The following LPAR6 variants were observed in gnomAD, a reference collection of about 807,000 sequenced individuals.
LPAR6 encodes G-protein coupled purinergic receptor P2Y5.
In LPAR6, 17 loss-of-function variants were observed where a neutral mutation model predicts 22.0. The observed-to-expected ratio is 0.77, with a 90% CI of 0.53 to 1.16. The LOEUF is 1.16. Ranked by LOEUF, LPAR6 falls within the 50% of genes most tolerant of loss-of-function variation. The pLI is 0.00. For missense variants in LPAR6, 384 were observed against 406.9 expected (o/e 0.94, Z 0.48); for synonymous variants, 136 against 139.8 (o/e 0.97, Z 0.19).
At chr13:48,425,676 G>C (rs1311680216) in intron 1 of LPAR6, among the ~76,000 whole-genome samples, 1 of 151,104 alleles carries the variant, frequency 6.6e-6, no homozygotes, top group Non-Finnish European at 1.5e-5. Flanking sequence ...AATATAGAGA[G>C]TCCTCAACTC....
intron 1 of LPAR6, among the ~76,000 whole-genome samples, chr13:48,400,139 TTGTC>T (rs1292719922): frequency 6.6e-6 from 1 of 152,154 alleles, no homozygotes; most frequent in Non-Finnish European, 1.5e-5. Context: ...CTTTGGAAGT[TTGTC>T]TGATAATTAT....
intron 1 of LPAR6, among the ~76,000 whole-genome samples, chr13:48,442,767 T>C (rs1949250698): frequency 6.6e-6 from 1 of 152,210 alleles, no homozygotes; most frequent in Non-Finnish European, 1.5e-5. Flanking sequence ...GACCCAATTT[T>C]AGAAATCTTG....
At chr13:48,418,033 C>G (rs185828791), upstream of LPAR6, among the ~76,000 whole-genome samples, 11 of 152,236 alleles carry the variant, frequency 7.2e-5, no homozygotes, top group African/African-American at 2.6e-4. Context: ...ACAGAGAACA[C>G]CACAAAGATA....
chr13:48,420,536 G>T (rs1948989314), intron 2 of LPAR6, among the ~76,000 whole-genome samples: 1 of 152,130 alleles, frequency 6.6e-6, no homozygotes, highest in African/African-American at 2.4e-5. Context: ...GTTCTGTTCA[G>T]GGCAGTTAGA....
intron 1 of LPAR6, among the ~76,000 whole-genome samples, chr13:48,444,065 T>A (rs1949264051): frequency 6.6e-6 from 1 of 152,166 alleles, no homozygotes; most frequent in African/African-American, 2.4e-5. Flanking sequence ...ACTGTCTACT[T>A]GGAGATAGTG....
intron 1 of LPAR6, among the ~76,000 whole-genome samples, chr13:48,432,699 C>T (rs2138282013): frequency 6.6e-6 from 1 of 152,244 alleles, no homozygotes; most frequent in South Asian, 2.1e-4. Context: ...AACTGTCTTC[C>T]TTGACTTCTG....
At chr13:48,408,576 T>G (rs2138191742), downstream of LPAR6, 1 of 152,168 alleles carries the variant, frequency 6.6e-6, no homozygotes, top group Middle Eastern at 3.4e-3. Flanking sequence ...TAGGTTTTTC[T>G]GAATAAAGGG....
intron 1 of LPAR6, among the ~76,000 whole-genome samples, chr13:48,393,586 C>T (rs888854833): frequency 6.6e-5 from 10 of 152,164 alleles, no homozygotes; most frequent in South Asian, 2.1e-4. Flanking sequence ...GGTTACTAAA[C>T]GTAAGGCTTA....
chr13:48,421,025 G>GA, intron 2 of LPAR6, among the ~76,000 whole-genome samples: 1 of 151,932 alleles, frequency 6.6e-6, no homozygotes, highest in Non-Finnish European at 1.5e-5. Context: ...TATAAAATTA[G>GA]AAAAAACTAC....
At chr13:48,416,541 T>C, upstream of LPAR6, 1 of 152,778 alleles carries the variant, frequency 6.5e-6, no homozygotes, top group Non-Finnish European at 1.5e-5. Flanking sequence ...GCAGGATTTT[T>C]TCTTTTTCGT....
At chr13:48,408,233 T>C (rs1221395481), downstream of LPAR6, among the ~76,000 whole-genome samples, 1 of 151,972 alleles carries the variant, frequency 6.6e-6, no homozygotes, top group Non-Finnish European at 1.5e-5. Context: ...CCTTAAGTAG[T>C]GTCTTCAGTT....
At position 48,436,535 on chromosome 13, in the gene LPAR6, C is replaced by T. The variant is rs192753022; in HGVS notation, c.-1474+8018G>A. Among the ~76,000 whole-genome samples the T allele has an allele frequency of 5.6e-3, 848 of 151,902 alleles. 5 individuals carry two copies. Among genetic ancestry groups the T allele is most frequent in the Middle Eastern group, 0.01 (3 of 294 alleles). On this transcript the variant is annotated intron_variant, in intron 1 of 6. Coordinates refer to the LPAR6 transcript ENST00000378434. ...GCACATGCCTGTAATCCCAGCTACT[C>T]GGGAGGCTGAGGCAGGAGAATCGCT...
At chr13:48,421,752 C>T (rs902219036) in intron 2 of LPAR6, among the ~76,000 whole-genome samples, 2 of 152,108 alleles carry the variant, frequency 1.3e-5, no homozygotes, top group African/African-American at 2.4e-5. Context: ...ATGTGGCCAA[C>T]AAGCATATGA....
At chr13:48,416,560 G>A (rs1317101749), upstream of LPAR6, 1 of 152,588 alleles carries the variant, frequency 6.6e-6, no homozygotes, top group Non-Finnish European at 1.5e-5. Context: ...GTACTCCAGT[G>A]GCACCTGAAA....
In LPAR6 at chr13:48,412,404, G is replaced by A. The variant is rs965471957; in HGVS notation, c.20C>T (p.Ser7Phe). MVSVNS[S>F]HCFYNDSFKY... The stretch of plus-strand genomic sequence containing the variant: ...AAAGGAGTCATTATAGAAGCAGTGG[G>A]AGCTGTTAACGCTTACCATCGTAAA... The change falls in exon 1 of 1, where the codon TCC becomes TTC. Residue 7 changes from serine (S) to phenylalanine (F), a missense_variant. Ser to Phe is a radical substitution (Grantham distance 155). Transcript: ENST00000620633. 5 of 1,613,806 alleles carry A rather than the reference G, an allele frequency of 3.1e-6. No homozygotes were observed. Among genetic ancestry groups the A allele is most frequent in the South Asian group, 1.1e-5 (1 of 91,070 alleles).
chr13:48,408,753 G>C (rs540284967), downstream of LPAR6: 2 of 152,196 alleles, frequency 1.3e-5, no homozygotes, highest in African/African-American at 4.8e-5. Context: ...CAAAACTTTT[G>C]ATTCATTTAT....
chr13:48,412,377 TTAAAG>T lies in LPAR6; in HGVS notation c.42_46del (p.Phe15ValfsTer35). 1 of 1,614,042 alleles carries T rather than the reference TTAAAG, an allele frequency of 6.2e-7. No individual in the cohort carries two copies. The highest frequency in any genetic ancestry group is 8.5e-7 in the Non-Finnish European group (1 of 1,179,918). On this transcript the variant is annotated frameshift_variant, in exon 1 of 1. Transcript: ENST00000620633. LOFTEE classifies it high-confidence loss of function. ...GAACATGCACCCATACAAAGTGTACTTAAAGGAGTCATTATAGAAGCAGTGGGAGC... is the reference window on the plus strand; with the variant it reads ...GAACATGCACCCATACAAAGTGTACTGAGTCATTATAGAAGCAGTGGGAGC...
At chr13:48,419,156 A>T (rs1204460861) in intron 2 of LPAR6, among the ~76,000 whole-genome samples, 3 of 152,230 alleles carry the variant, frequency 2.0e-5, no homozygotes, top group Non-Finnish European at 2.9e-5. Context: ...CTCCTCAACA[A>T]ATGCAAAACA....
chr13:48,397,210 C>T (rs1948655527), intron 1 of LPAR6, among the ~76,000 whole-genome samples: 1 of 152,154 alleles, frequency 6.6e-6, no homozygotes, highest in Non-Finnish European at 1.5e-5. Flanking sequence ...TTTATTGCAG[C>T]ACTATTCACA....
Sources: gnomAD v4.1 joint callset for allele counts (sites outside exome capture counted in the v4.1 genomes callset) on GRCh38, gnomAD v4.1.1 for gene constraint, MANE v1.5 for transcripts, NCBI Gene and HGNC (gene_info 2026-07-23, HGNC 2026-07-21) for gene names.